TRAPPC9: variants seen among roughly 807,000 people sequenced by gnomAD.
TRAPPC9 encodes trafficking protein particle complex subunit 9.
A neutral mutation model predicts 124.0 loss-of-function variants in TRAPPC9; 83 were observed. The ratio of observed to expected loss-of-function variants is 0.67; its 90% CI spans 0.56 to 0.80. TRAPPC9 has a LOEUF of 0.80. TRAPPC9 is among the 30% of genes least tolerant of loss of function. The pLI is 0.00. For missense variants in TRAPPC9, 1,302 were observed against 1,508.3 expected, an observed-to-expected ratio of 0.86 and a Z score of 2.27; for synonymous variants, 638 against 617.5, an observed-to-expected ratio of 1.03 and a Z score of -0.49.
chr8:139,732,141 G>A lies in TRAPPC9; in HGVS notation c.3117C>T (p.Asp1039=). ...TCAGCCGCACCTCCAGGCGCACGGG[G>A]TCGCCCACCTGGCAGGCCGCCACAG... ...REAVAACQVG[D]PVRLEVRLTN... is the part of the protein sequence containing the mutation. The change falls in exon 22 of 23, where the codon GAC becomes GAT. Residue 1039 remains aspartate (D), a synonymous_variant. Transcript: ENST00000438773. 6.2e-7 allele frequency: 1 copy of A among 1,605,432 alleles called. No individual in the cohort carries two copies. The highest frequency in any genetic ancestry group is 8.5e-7 in the Non-Finnish European group (1 of 1,177,212).
rs982182375 is a variant in TRAPPC9, at chr8:139,825,895, C to A, written c.3055+59984G>T. On this transcript the variant is annotated intron_variant, in intron 21 of 22. Transcript: ENST00000438773. This position sits in a 1 kb window ranked among gnomAD's most constrained non-coding sequence, Gnocchi z 4.6. ...ATCAGAATATTTCCTGTGCAAAGCG[C>A]CATGCCAGGCTCTGGTGGGGAGAGG... 6.6e-6 allele frequency among the ~76,000 whole-genome samples: 1 copy of A among 152,168 alleles called. No homozygotes were observed. Among genetic ancestry groups the A allele is most frequent in the African/African-American group, 2.4e-5 (1 of 41,456 alleles).
chr8:140,080,574 T>C (rs1480927089), intron 17 of TRAPPC9, among the ~76,000 whole-genome samples: 1 of 152,158 alleles, frequency 6.6e-6, no homozygotes, highest in African/African-American at 2.4e-5. Context: ...CCCACTCTCA[T>C]GTTGACTGAT....
At chr8:140,041,137 C>T (rs1349143344) in intron 17 of TRAPPC9, 1 of 152,212 alleles carries the variant, frequency 6.6e-6, no homozygotes, top group Non-Finnish European at 1.5e-5. Flanking sequence ...ACTAGAGCTC[C>T]CTGACCCAGC....
At chr8:140,024,401 CTTT>C (rs35795692) in intron 17 of TRAPPC9, among the ~76,000 whole-genome samples, 11 of 144,780 alleles carry the variant, frequency 7.6e-5, no homozygotes, top group Non-Finnish European at 7.6e-5. Flanking sequence ...AATATGGTTT[CTTT>C]TTTTTTTTTT....
chr8:139,868,335 AAC>A (rs1398831887), intron 21 of TRAPPC9, among the ~76,000 whole-genome samples: 2 of 152,290 alleles, frequency 1.3e-5, no homozygotes, highest in African/African-American at 4.8e-5. Flanking sequence ...CAGCCTGGGC[AAC>A]AGAGCGAGAC....
At chr8:140,026,384 C>T (rs1055873914) in intron 17 of TRAPPC9, among the ~76,000 whole-genome samples, 1 of 152,108 alleles carries the variant, frequency 6.6e-6, no homozygotes, top group Non-Finnish European at 1.5e-5. Flanking sequence ...CGGGTATTCT[C>T]TATGTAATTT....
At chr8:140,018,751 T>C (rs1839643541) in intron 18 of TRAPPC9, among the ~76,000 whole-genome samples, 1 of 147,212 alleles carries the variant, frequency 6.8e-6, no homozygotes, top group East Asian at 1.9e-4. Context: ...ATATGTACCA[T>C]ACAAAGAAAG....
intron 2 of TRAPPC9, 41 bp downstream of exon 2, chr8:140,450,749 T>G (rs77418434): frequency 6.7e-7 from 1 of 1,487,340 alleles, no homozygotes; most frequent in Admixed American, 1.9e-5. Context: ...CCCTTTCTGA[T>G]GCAGGGAAGC....
chr8:140,269,135 A>G (rs1178900779), intron 15 of TRAPPC9, among the ~76,000 whole-genome samples: 2 of 152,202 alleles, frequency 1.3e-5, no homozygotes, highest in Non-Finnish European at 2.9e-5. Flanking sequence ...ATGTCACTGT[A>G]CATGTATTTT....
chr8:140,134,648 A>G (rs2061270178), intron 17 of TRAPPC9, among the ~76,000 whole-genome samples: 2 of 152,240 alleles, frequency 1.3e-5, no homozygotes, highest in Admixed American at 1.3e-4. Flanking sequence ...CCACATGCAA[A>G]GGAATGAAGT....
Position 139,730,848 on chromosome 8 carries a change from A to G in TRAPPC9, c.*213T>C. 1.7e-6 allele frequency: 1 copy of G among 596,826 alleles called. No homozygotes were observed. The highest frequency in any genetic ancestry group is 3.0e-6 in the Non-Finnish European group (1 of 338,040). 37.0% of individuals were successfully genotyped at this position (596,826 alleles called of 1,614,324 possible). A position where few individuals can be genotyped will look rare whatever the true frequency, so the allele number is the denominator to read the frequency against. The stretch of plus-strand genomic sequence containing the variant: ...GTATGGTCCAGGGAACAGTGTAGGA[A>G]GGGGCGTGGCATGGGGTGGGGCTGC... On this transcript the variant is annotated 3_prime_UTR_variant, in exon 23 of 23. Transcript: ENST00000438773.
chr8:140,213,920 C>T (rs2063127617), intron 17 of TRAPPC9, among the ~76,000 whole-genome samples: 1 of 152,238 alleles, frequency 6.6e-6, no homozygotes, highest in South Asian at 2.1e-4. Flanking sequence ...TAAATGGCTG[C>T]AGCCGTGCAT....
intron 15 of TRAPPC9, among the ~76,000 whole-genome samples, chr8:140,258,039 C>T (rs921405226): frequency 9.2e-5 from 14 of 152,206 alleles, no homozygotes; most frequent in African/African-American, 2.2e-4. Flanking sequence ...GGCCAGTGAC[C>T]GCTCTCCCAG....
At chr8:140,176,234 C>A (rs895357924) in intron 17 of TRAPPC9, among the ~76,000 whole-genome samples, 4 of 152,192 alleles carry the variant, frequency 2.6e-5, no homozygotes, top group Non-Finnish European at 4.4e-5. Context: ...AATAAATTAA[C>A]GTACTGGTGT....
chr8:140,259,678 C>G (rs1308738399), intron 15 of TRAPPC9, among the ~76,000 whole-genome samples: 1 of 152,242 alleles, frequency 6.6e-6, no homozygotes, highest in Admixed American at 6.5e-5. Context: ...CAGTTTCCTT[C>G]TCCTAACCGG....
chr8:139,775,149 G>A (rs768731600), intron 21 of TRAPPC9, among the ~76,000 whole-genome samples: 45 of 152,148 alleles, frequency 3.0e-4, no homozygotes, highest in Admixed American at 3.9e-4. Context: ...GGAACCCTGG[G>A]CCTCTGCACA....
intron 21 of TRAPPC9, among the ~76,000 whole-genome samples, chr8:139,861,344 C>T (rs372719269): frequency 2.0e-5 from 3 of 151,992 alleles, no homozygotes; most frequent in African/African-American, 7.3e-5. Context: ...TTAAAGAGAG[C>T]CGGGGTATGA....
At chr8:139,914,762 G>A (rs888244392) in intron 19 of TRAPPC9, 5 of 152,326 alleles carry the variant, frequency 3.3e-5, no homozygotes, top group Non-Finnish European at 7.3e-5. Context: ...AAGCAACGAC[G>A]CCTTGATGCC....
At chr8:140,333,637 C>A (rs1050758636) in intron 9 of TRAPPC9, among the ~76,000 whole-genome samples, 4 of 152,186 alleles carry the variant, frequency 2.6e-5, no homozygotes, top group Non-Finnish European at 5.9e-5. Flanking sequence ...GTGATCCACC[C>A]GCCTCAGCTT....
Sources: allele counts gnomAD v4.1 joint callset (sites outside exome capture counted in the v4.1 genomes callset), GRCh38; gene constraint gnomAD v4.1.1; non-coding constraint Gnocchi (gnomAD v3.1); transcripts MANE v1.5; gene names NCBI Gene and HGNC (gene_info 2026-07-23, HGNC 2026-07-21).